The following DOCK9 variants were observed in gnomAD, a reference collection of about 807,000 sequenced individuals.
The protein encoded by DOCK9 is dedicator of cytokinesis 9.
DOCK9 carries 89 observed loss-of-function variants against 263.3 expected under a neutral mutation model. The ratio of observed to expected loss-of-function variants is 0.34; its 90% CI spans 0.28 to 0.40. DOCK9 has a LOEUF of 0.40. Among genes scored for constraint, DOCK9 ranks in the 10% least tolerant of loss-of-function variants. The pLI is 1.00. For missense variants in DOCK9, 2,140 were observed against 2,603.4 expected (o/e 0.82, Z 3.87); for synonymous variants, 976 against 973.1 (o/e 1.00, Z -0.06).
chr13:99,035,055 T>A (rs1368460639), intron 1 of DOCK9, among the ~76,000 whole-genome samples: 1 of 152,246 alleles, frequency 6.6e-6, no homozygotes, highest in Non-Finnish European at 1.5e-5. Flanking sequence ...GGTTTCTGAA[T>A]CTGTGTTTCT....
chr13:99,013,617 G>A (rs1199955868), intron 1 of DOCK9, among the ~76,000 whole-genome samples: 1 of 152,158 alleles, frequency 6.6e-6, no homozygotes, highest in East Asian at 1.9e-4. Context: ...GGGGGTCTGA[G>A]CAAAGGCCAC....
chr13:98,929,375 C>T (rs1294287002), intron 3 of DOCK9, among the ~76,000 whole-genome samples: 1 of 151,900 alleles, frequency 6.6e-6, no homozygotes, highest in African/African-American at 2.4e-5. Flanking sequence ...AAACCCTGTC[C>T]CTACTAAAAA....
intron 1 of DOCK9, among the ~76,000 whole-genome samples, chr13:98,962,882 G>A (rs1473947990): frequency 2.0e-5 from 3 of 152,182 alleles, no homozygotes; most frequent in Non-Finnish European, 4.4e-5. Context: ...ACAGCTGGGG[G>A]TGGGCGATAG....
intron 1 of DOCK9, among the ~76,000 whole-genome samples, chr13:99,079,439 G>A (rs1459996220): frequency 6.6e-6 from 1 of 152,150 alleles, no homozygotes; most frequent in African/African-American, 2.4e-5. Flanking sequence ...GGGCATCATA[G>A]GTGGTCAATA....
At chr13:98,936,758 A>G (rs184636319) in intron 2 of DOCK9, among the ~76,000 whole-genome samples, 167 of 152,316 alleles carry the variant, frequency 1.1e-3, no homozygotes, top group African/African-American at 3.9e-3. Context: ...TATCTGGTCC[A>G]TTATAGGAAC....
At chr13:99,008,212 CTATA>C (rs1161970142) in intron 1 of DOCK9, among the ~76,000 whole-genome samples, 11 of 79,170 alleles carry the variant, frequency 1.4e-4, no homozygotes, top group South Asian at 4.9e-4. Flanking sequence ...CTCTCTCTCT[CTATA>C]TATATATATA....
intron 1 of DOCK9, among the ~76,000 whole-genome samples, chr13:98,964,544 T>C (rs2059008416): frequency 6.6e-6 from 1 of 151,934 alleles, no homozygotes; most frequent in South Asian, 2.1e-4. Context: ...TACAGTGAGG[T>C]CAAAAAATAC....
intron 47 of DOCK9, 50 bp from the exon 48 acceptor site, chr13:98,807,857 T>C (rs758984630): frequency 1.3e-6 from 2 of 1,505,700 alleles, no homozygotes; most frequent in Non-Finnish European, 1.8e-6. Flanking sequence ...AGCCCAGGGC[T>C]TACCACCTAG....
intron 2 of DOCK9, chr13:98,949,985 T>C (rs773539663): frequency 4.3e-5 from 21 of 493,674 alleles, no homozygotes; most frequent in Admixed American, 6.4e-5. Flanking sequence ...CCTTGGCTTG[T>C]TCATGTTTCA....
intron 2 of DOCK9, among the ~76,000 whole-genome samples, chr13:98,931,589 C>T (rs1400584807): frequency 2.7e-5 from 4 of 150,794 alleles, no homozygotes; most frequent in East Asian, 2.0e-4. Flanking sequence ...TGAGCCACTG[C>T]GCCCAGCCTA....
At chr13:99,085,955 ACT>A (rs1046597950) in intron 1 of DOCK9, among the ~76,000 whole-genome samples, 18 of 151,996 alleles carry the variant, frequency 1.2e-4, no homozygotes, top group Admixed American at 3.9e-4. Context: ...GGGCGACATC[ACT>A]CTGCGGAAAT....
At chr13:98,899,932 A>G (rs184904272) in intron 13 of DOCK9, among the ~76,000 whole-genome samples, 3 of 152,258 alleles carry the variant, frequency 2.0e-5, no homozygotes, top group Admixed American at 2.0e-4. Flanking sequence ...GAGACTTTTC[A>G]TAAAAATTTC....
chr13:99,079,964 C>G (rs1010934496), intron 1 of DOCK9, among the ~76,000 whole-genome samples: 12 of 152,210 alleles, frequency 7.9e-5, no homozygotes, highest in Middle Eastern at 3.4e-3. Context: ...CACTTGAGCC[C>G]GGAAGGCAGA....
intron 2 of DOCK9, chr13:98,950,222 G>A: frequency 9.5e-7 from 1 of 1,052,392 alleles, no homozygotes; most frequent in South Asian, 1.6e-5. Flanking sequence ...TCCAAGGCAT[G>A]AGGTTTCACT....
At position 99,073,131 on chromosome 13, in the gene DOCK9, G is replaced by A. The variant is rs560744826; in HGVS notation, c.129+13092C>T. ...GTTGCCACCGGCCAGACCACCATGT[G>A]GCCCATCACTCAAGATAACCATCGC... On this transcript the variant is annotated intron_variant, in intron 1 of 32. Transcript: ENST00000427887. Among the ~76,000 whole-genome samples, 5 of 152,174 alleles carry A rather than the reference G, an allele frequency of 3.3e-5. No homozygotes were observed. In the East Asian group the frequency reaches 9.7e-4, roughly 29 times the overall value.
At chr13:98,954,897 C>CACACACAT (rs1267820966) in intron 2 of DOCK9, among the ~76,000 whole-genome samples, 81 of 149,930 alleles carry the variant, frequency 5.4e-4, no homozygotes, top group African/African-American at 1.9e-3. Context: ...CACACACACA[C>CACACACAT]ATTTTGGCAT....
chr13:98,982,873 C>T (rs549479016), upstream of DOCK9, among the ~76,000 whole-genome samples: 47 of 152,178 alleles, frequency 3.1e-4, no homozygotes, highest in Non-Finnish European at 4.4e-5. Context: ...ATTTGCTAGA[C>T]GTTTTTTGAG....
upstream of DOCK9, among the ~76,000 whole-genome samples, chr13:98,981,936 G>A (rs919976871): frequency 1.4e-4 from 22 of 152,254 alleles, no homozygotes; most frequent in African/African-American, 5.1e-4. Flanking sequence ...GTGTATGTCC[G>A]ACCCCCGATT....
chr13:99,036,755 G>A (rs1306385873), intron 1 of DOCK9, among the ~76,000 whole-genome samples: 1 of 152,214 alleles, frequency 6.6e-6, no homozygotes, highest in East Asian at 1.9e-4. Flanking sequence ...GGCCAGGATA[G>A]TCTCGATCTT....
Sources: allele counts gnomAD v4.1 joint callset (sites outside exome capture counted in the v4.1 genomes callset), GRCh38; gene constraint gnomAD v4.1.1; transcripts MANE v1.5; gene names NCBI Gene and HGNC (gene_info 2026-07-23, HGNC 2026-07-21).